The following KDM6A variants were observed in gnomAD, a reference collection of about 807,000 sequenced individuals.
The protein encoded by KDM6A is lysine demethylase 6A.
In KDM6A, 11 loss-of-function variants were observed where a neutral mutation model predicts 117.6. The ratio of observed to expected loss-of-function variants is 0.09; its 90% confidence interval spans 0.06 to 0.15. The LOEUF is 0.15. Among genes scored for constraint, KDM6A ranks in the 10% least tolerant of loss-of-function variants. KDM6A has a pLI of 1.00. For synonymous variants in KDM6A, 384 were observed against 396.1 expected (o/e 0.97, Z 0.36); for missense variants, 799 against 1,077.3 (o/e 0.74, Z 3.62).
intron 2 of KDM6A, among the ~76,000 whole-genome samples, chrX:44,950,831 CT>C (rs1474369949): frequency 9.1e-6 from 1 of 110,145 alleles, no homozygotes; most frequent in African/African-American, 3.3e-5. Flanking sequence ...TCCCTTCCCC[CT>C]TTTTCCTTTT....
At chrX:45,083,977 C>T (rs902819429) in intron 24 of KDM6A, among the ~76,000 whole-genome samples, 3 of 111,540 alleles carry the variant, frequency 2.7e-5, no homozygotes, top group African/African-American at 9.8e-5. Context: ...TATATGTAAC[C>T]GAATGCACAT....
At chrX:45,064,692 T>G (rs1320758760) in intron 17 of KDM6A, among the ~76,000 whole-genome samples, 1 of 112,173 alleles carries the variant, frequency 8.9e-6, no homozygotes, top group African/African-American at 3.2e-5. Context: ...TGCTTGTACT[T>G]TTATTAATTT....
At chrX:44,952,675 G>A (rs1005369554) in intron 2 of KDM6A, among the ~76,000 whole-genome samples, 17 of 112,045 alleles carry the variant, frequency 1.5e-4, no homozygotes, top group Non-Finnish European at 3.8e-5. Context: ...TTATCATCTC[G>A]AAAATGTTAG....
chrX:44,938,707 C>T (rs1378660860), intron 2 of KDM6A, among the ~76,000 whole-genome samples: 1 of 112,172 alleles, frequency 8.9e-6, no homozygotes, highest in Admixed American at 9.4e-5. Flanking sequence ...ACTTTGATAG[C>T]TAGAGGAAAA....
chrX:45,065,040 A>G (rs914935907), intron 17 of KDM6A, among the ~76,000 whole-genome samples: 2 of 112,112 alleles, frequency 1.8e-5, no homozygotes, highest in African/African-American at 6.5e-5. Context: ...AGTGCTATGG[A>G]AAAAAGCACT....
intron 2 of KDM6A, among the ~76,000 whole-genome samples, chrX:44,922,124 C>T (rs2035995405): frequency 1.1e-5 from 1 of 93,801 alleles, no homozygotes; most frequent in African/African-American, 4.0e-5. Context: ...CTCACTGCAG[C>T]CTCTGCCTCC....
At chrX:44,932,198 A>G (rs1172567834) in intron 2 of KDM6A, among the ~76,000 whole-genome samples, 3 of 101,267 alleles carry the variant, frequency 3.0e-5, no homozygotes, top group Non-Finnish European at 5.9e-5. Context: ...AGGTTTAAGC[A>G]ATCCTCCTGC....
chrX:45,005,464 G>C (rs1172206700), intron 4 of KDM6A, among the ~76,000 whole-genome samples: 1 of 111,612 alleles, frequency 9.0e-6, no homozygotes, highest in Non-Finnish European at 1.9e-5. Context: ...GCATAGCCTA[G>C]TTCTTCTGAG....
intron 2 of KDM6A, among the ~76,000 whole-genome samples, chrX:44,942,782 G>A (rs969615809): frequency 9.1e-6 from 1 of 109,529 alleles, no homozygotes; most frequent in South Asian, 3.9e-4. Context: ...TTTCTTCCGG[G>A]GGTTGGGGCA....
At chrX:44,895,210 A>G (rs1276934046) in intron 2 of KDM6A, among the ~76,000 whole-genome samples, 6 of 108,444 alleles carry the variant, frequency 5.5e-5, no homozygotes, top group Non-Finnish European at 1.1e-4. Context: ...GGTTTGCGCC[A>G]TTCTCCTGCC....
At chrX:45,006,437 A>G (rs1342026150) in intron 4 of KDM6A, among the ~76,000 whole-genome samples, 1 of 110,966 alleles carries the variant, frequency 9.0e-6, no homozygotes, top group Non-Finnish European at 1.9e-5. Flanking sequence ...TGCCTTCTAT[A>G]GAAGCAATGG....
intron 2 of KDM6A, among the ~76,000 whole-genome samples, chrX:44,920,901 A>G (rs2035889931): frequency 1.1e-5 from 1 of 88,772 alleles, no homozygotes; most frequent in African/African-American, 4.4e-5. Flanking sequence ...TTTAAGACAG[A>G]GTCTCGCTCT....
At chrX:44,982,804 G>A (rs768334144) in intron 4 of KDM6A, among the ~76,000 whole-genome samples, 1 of 111,770 alleles carries the variant, frequency 8.9e-6, no homozygotes, top group South Asian at 3.7e-4. Flanking sequence ...TTGTACTGGT[G>A]TGGGATTATG....
chrX:45,043,015 C>T (rs111336627), intron 8 of KDM6A, among the ~76,000 whole-genome samples: 4,636 of 112,563 alleles, frequency 0.041, 84 homozygotes, highest in Middle Eastern at 0.075. Context: ...CGTGGCCGAG[C>T]GCAGTGGTTC....
At chrX:45,103,333 C>T (rs1603039778) in intron 27 of KDM6A, among the ~76,000 whole-genome samples, 1 of 110,869 alleles carries the variant, frequency 9.0e-6, no homozygotes, top group East Asian at 2.8e-4. Context: ...CTTTCTGTAC[C>T]GAGTGTGCCT....
At chrX:45,004,866 G>A (rs1429992971) in intron 4 of KDM6A, among the ~76,000 whole-genome samples, 2 of 110,758 alleles carry the variant, frequency 1.8e-5, no homozygotes, top group African/African-American at 6.6e-5. Context: ...CTGAAAAGAG[G>A]ATGCCCAAGA....
chrX:44,924,749 C>A (rs1484031566), intron 2 of KDM6A, among the ~76,000 whole-genome samples: 5 of 109,817 alleles, frequency 4.6e-5, no homozygotes, highest in African/African-American at 6.6e-5. Context: ...AGTGCAGTGG[C>A]ACGATCATGT....
intron 3 of KDM6A, among the ~76,000 whole-genome samples, chrX:44,969,446 C>G (rs1215804380): frequency 1.5e-5 from 1 of 66,444 alleles, no homozygotes; most frequent in African/African-American, 6.4e-5. Flanking sequence ...GAGATGGAGT[C>G]TTGCTCTGTT....
intron 4 of KDM6A, among the ~76,000 whole-genome samples, chrX:44,991,138 T>G (rs1378157938): frequency 8.9e-6 from 1 of 111,808 alleles, no homozygotes; most frequent in African/African-American, 3.3e-5. Flanking sequence ...TGGTCACATA[T>G]ACCTATAGTT....
Sources: gnomAD v4.1 joint callset for allele counts (sites outside exome capture counted in the v4.1 genomes callset) on GRCh38, gnomAD v4.1.1 for gene constraint, MANE v1.5 for transcripts, NCBI Gene and HGNC (gene_info 2026-07-23, HGNC 2026-07-21) for gene names.